The following SMIM10L3 variants were observed in gnomAD, a reference collection of about 807,000 sequenced individuals.
SMIM10L3 encodes salivary gland specific protein SAGSIN1.
chr7:6,336,272 T>C, the SMIM10L3 span, among the ~76,000 whole-genome samples: 6 of 151,814 alleles, frequency 4.0e-5, no homozygotes, highest in African/African-American at 1.5e-4. Context: ...TGCTTGAGCC[T>C]AGAAGCTCAA....
chr7:6,331,949 T>C, the SMIM10L3 span, among the ~76,000 whole-genome samples: 1 of 151,762 alleles, frequency 6.6e-6, no homozygotes, highest in African/African-American at 2.4e-5. Flanking sequence ...GTTCGCCATG[T>C]TGGCCAGGTG....
At chr7:6,345,053 G>A in the SMIM10L3 span, among the ~76,000 whole-genome samples, 1 of 151,886 alleles carries the variant, frequency 6.6e-6, no homozygotes, top group African/African-American at 2.4e-5. Context: ...CACTGCGCCC[G>A]GCCAGAGTTT....
the SMIM10L3 span, among the ~76,000 whole-genome samples, chr7:6,344,051 A>C: frequency 6.6e-6 from 1 of 151,758 alleles, no homozygotes; most frequent in African/African-American, 2.4e-5. Flanking sequence ...ACATTCAACT[A>C]ACTTTTAATG....
chr7:6,334,538 G>C, the SMIM10L3 span, among the ~76,000 whole-genome samples: 1 of 152,146 alleles, frequency 6.6e-6, no homozygotes, highest in Admixed American at 6.6e-5. Context: ...CAGGATCACA[G>C]CTTACTGCAA....
At chr7:6,330,546 G>A in the SMIM10L3 span, 2 of 1,614,108 alleles carry the variant, frequency 1.2e-6, no homozygotes, top group Non-Finnish European at 1.7e-6. Flanking sequence ...CCTCACTCAG[G>A]AGCACTTCGG....
the SMIM10L3 span, chr7:6,348,916 C>A: frequency 2.6e-6 from 1 of 384,958 alleles, no homozygotes; most frequent in Admixed American, 4.6e-5. Flanking sequence ...ACGTCACGCT[C>A]GGAGAAGTGC....
the SMIM10L3 span, among the ~76,000 whole-genome samples, chr7:6,348,002 C>T: frequency 8.6e-5 from 13 of 151,382 alleles, no homozygotes; most frequent in African/African-American, 2.7e-4. Flanking sequence ...CCTGCGCCTC[C>T]CAGGTTCCAG....
chr7:6,343,177 G>C, the SMIM10L3 span, among the ~76,000 whole-genome samples: 3 of 151,558 alleles, frequency 2.0e-5, no homozygotes, highest in South Asian at 6.2e-4. Flanking sequence ...AGGAGTTCAA[G>C]ACCAGCCTGG....
the SMIM10L3 span, chr7:6,348,704 G>C: frequency 2.3e-6 from 1 of 431,830 alleles, no homozygotes; most frequent in South Asian, 6.2e-5. Flanking sequence ...CCATAGGAGC[G>C]GGCGGCGGCC....
the SMIM10L3 span, among the ~76,000 whole-genome samples, chr7:6,335,176 C>CA: frequency 6.6e-6 from 1 of 152,050 alleles, no homozygotes; most frequent in Non-Finnish European, 1.5e-5. Flanking sequence ...GATTCTCCTG[C>CA]ATCAGCCTCC....
the SMIM10L3 span, chr7:6,329,740 C>T: frequency 6.0e-6 from 1 of 166,162 alleles, no homozygotes; most frequent in African/African-American, 2.4e-5. Flanking sequence ...TTTTCTCGAG[C>T]TCATTTTTGT....
At chr7:6,331,424 A>T in the SMIM10L3 span, among the ~76,000 whole-genome samples, 1 of 152,302 alleles carries the variant, frequency 6.6e-6, no homozygotes, top group African/African-American at 2.4e-5. Context: ...CAGCGTCCCA[A>T]AGTGCTGGGA....
the SMIM10L3 span, among the ~76,000 whole-genome samples, chr7:6,338,902 A>G: frequency 2.0e-5 from 3 of 152,160 alleles, no homozygotes; most frequent in Admixed American, 6.6e-5. Context: ...GTGGGCCTTG[A>G]GGGACTGCCG....
chr7:6,336,840 G>C, the SMIM10L3 span, among the ~76,000 whole-genome samples: 27 of 151,964 alleles, frequency 1.8e-4, no homozygotes, highest in Non-Finnish European at 4.4e-5. Context: ...ATTTTGTGTA[G>C]AGACAATGTT....
the SMIM10L3 span, among the ~76,000 whole-genome samples, chr7:6,338,966 G>C: frequency 3.9e-5 from 6 of 152,146 alleles, no homozygotes; most frequent in Non-Finnish European, 7.3e-5. Context: ...ACACCCCTCA[G>C]GTGTGAACGC....
At chr7:6,338,296 T>A in the SMIM10L3 span, among the ~76,000 whole-genome samples, 2 of 152,196 alleles carry the variant, frequency 1.3e-5, no homozygotes, top group Admixed American at 6.6e-5. Context: ...AGATATATTG[T>A]ACCAGATAAA....
chr7:6,342,142 T>C, the SMIM10L3 span, among the ~76,000 whole-genome samples: 1 of 152,196 alleles, frequency 6.6e-6, no homozygotes, highest in South Asian at 2.1e-4. Context: ...TAGGTTGGTA[T>C]ACCAAGCAGA....
chr7:6,347,296 C>G, the SMIM10L3 span, among the ~76,000 whole-genome samples: 1 of 152,178 alleles, frequency 6.6e-6, no homozygotes, highest in Non-Finnish European at 1.5e-5. Flanking sequence ...GGGCAGATCA[C>G]TTGAAGTCAG....
At chr7:6,346,666 T>G in the SMIM10L3 span, among the ~76,000 whole-genome samples, 2 of 151,960 alleles carry the variant, frequency 1.3e-5, no homozygotes, top group Non-Finnish European at 2.9e-5. Context: ...CTTACAGGAG[T>G]GAGCTACTGT....
Sources: gnomAD v4.1 joint callset for allele counts (sites outside exome capture counted in the v4.1 genomes callset) on GRCh38, gnomAD v4.1.1 for gene constraint, MANE v1.5 for transcripts, NCBI Gene and HGNC (gene_info 2026-07-23, HGNC 2026-07-21) for gene names.